WDFY2: variants seen among roughly 807,000 people sequenced by gnomAD.
The protein encoded by WDFY2 is WD repeat and FYVE domain-containing protein 2.
WDFY2 carries 36 observed loss-of-function variants against 56.4 expected under a neutral mutation model. That is an observed-to-expected ratio of 0.64 (90% confidence interval 0.49 to 0.84). The LOEUF (loss-of-function observed/expected upper bound fraction) is 0.84. Ranked by LOEUF, WDFY2 falls within the 40% of genes least tolerant of loss-of-function variation. The pLI is 0.00. For missense variants in WDFY2, 444 were observed against 512.2 expected (o/e 0.87, Z 1.29); for synonymous variants, 176 against 183.7 (o/e 0.96, Z 0.34).
intron 1 of WDFY2, among the ~76,000 whole-genome samples, chr13:51,622,187 C>T (rs993647974): frequency 1.3e-5 from 2 of 152,132 alleles, no homozygotes; most frequent in African/African-American, 2.4e-5. Context: ...ATGTGCCAAC[C>T]GTGCTAAGCT....
Position 51,728,625 on chromosome 13 carries a change from C to A in WDFY2, c.598+835C>A, listed in dbSNP as rs114639409. On this transcript the variant is annotated intron_variant, in intron 6 of 11. Transcript: ENST00000298125. ...AAAGAGGATGTAAAATTGGATAGTA[C>A]CTGGTTCATAAGGGGCTTCCTAAAG... Among the ~76,000 whole-genome samples, 465 of 152,048 alleles carry A rather than the reference C, an allele frequency of 3.1e-3. 1 individual carries two copies. Among genetic ancestry groups the A allele is most frequent in the African/African-American group, 0.011 (452 of 41,446 alleles).
chr13:51,743,966 C>T (rs903236475), intron 7 of WDFY2, among the ~76,000 whole-genome samples: 1 of 152,214 alleles, frequency 6.6e-6, no homozygotes, highest in Non-Finnish European at 1.5e-5. Context: ...TGCCACCAAA[C>T]AGCAGAACAT....
At chr13:51,757,714 T>C (rs1186275095) in intron 10 of WDFY2, among the ~76,000 whole-genome samples, 2 of 152,064 alleles carry the variant, frequency 1.3e-5, no homozygotes, top group Admixed American at 6.5e-5. Context: ...TTTAGAATAC[T>C]ATAGAAAAAC....
chr13:51,655,370 T>C (rs1022398375), intron 1 of WDFY2, among the ~76,000 whole-genome samples: 6 of 152,182 alleles, frequency 3.9e-5, no homozygotes, highest in Non-Finnish European at 7.4e-5. Flanking sequence ...AATTTTCTTC[T>C]ATTCCTAGTA....
chr13:51,665,339 A>G (rs1955680588), intron 2 of WDFY2, among the ~76,000 whole-genome samples: 1 of 152,212 alleles, frequency 6.6e-6, no homozygotes, highest in South Asian at 2.1e-4. Context: ...GGGACCTTGC[A>G]TGAGCTTGTA....
rs1223133635 is a variant in WDFY2 at position 51,703,604 on chromosome 13, A to G, written c.288A>G (p.Ile96Met). The G allele has an allele frequency of 1.2e-6, 2 of 1,605,608 alleles. No individual in the cohort carries two copies. Among genetic ancestry groups the G allele is most frequent in the Middle Eastern group, 1.7e-4 (1 of 5,874 alleles). The change falls in exon 4 of 12, where the codon ATA becomes ATG. Residue 96 changes from isoleucine (I) to methionine (M), a missense_variant. Transcript: ENST00000298125. ...GLDNGTISEFILSEDYNKMTP... is the reference protein window; with the variant it reads ...GLDNGTISEFMLSEDYNKMTP... The stretch of plus-strand genomic sequence containing the variant: ...TTTCTTTTCTTTTACAGGAGTTTAT[A>G]TTGTCAGAAGATTATAACAAGATGA...
At chr13:51,735,549 C>G (rs549457521) in intron 6 of WDFY2, among the ~76,000 whole-genome samples, 1 of 152,144 alleles carries the variant, frequency 6.6e-6, no homozygotes, top group Non-Finnish European at 1.5e-5. Flanking sequence ...GAGAATGGCT[C>G]GACCAAACAT....
At chr13:51,635,164 G>A (rs556558804) in intron 1 of WDFY2, among the ~76,000 whole-genome samples, 1 of 152,060 alleles carries the variant, frequency 6.6e-6, no homozygotes, top group East Asian at 1.9e-4. Flanking sequence ...GGCTGGTCTT[G>A]AGCTCCCGAC....
rs189039165 is a variant in WDFY2 at position 51,684,200 on chromosome 13, T to C, written c.279+8957T>C. Among the ~76,000 whole-genome samples the C allele has an allele frequency of 6.6e-5, 10 of 152,184 alleles. No individual in the cohort carries two copies. In the East Asian group the frequency reaches 1.9e-3, roughly 29 times the overall value. On this transcript the variant is annotated intron_variant, in intron 3 of 11. Coordinates refer to ENST00000298125, the MANE Select transcript of WDFY2 (RefSeq NM_052950.4). ...TATTGGCACAAAGAACAGAAGAGCT[T>C]TTCCATCTGCAGCAATCATGCAAGT...
In WDFY2 at chr13:51,759,933, T is replaced by G; in HGVS notation, c.*164T>G. The G allele has an allele frequency of 6.3e-6, 4 of 634,388 alleles. No homozygotes were observed. Among genetic ancestry groups the G allele is most frequent in the Non-Finnish European group, 5.5e-6 (2 of 364,618 alleles). 39.3% of individuals were successfully genotyped at this position (634,388 alleles called of 1,614,324 possible). A position where few individuals can be genotyped will look rare whatever the true frequency, so the allele number is the denominator to read the frequency against. ...ATGTGCACAGTGGGGACCTGGCCAG[T>G]GAGCACTCGCAAGGGGACTCTTCCA... On this transcript the variant is annotated 3_prime_UTR_variant, in exon 12 of 12. Transcript: ENST00000298125.
chr13:51,628,653 A>G (rs900985901), intron 1 of WDFY2, among the ~76,000 whole-genome samples: 2 of 152,206 alleles, frequency 1.3e-5, no homozygotes, highest in South Asian at 2.1e-4. Context: ...TGGTCCCTCC[A>G]GATGGCCACG....
intron 3 of WDFY2, among the ~76,000 whole-genome samples, chr13:51,689,000 A>G (rs891891155): frequency 9.2e-5 from 14 of 152,214 alleles, no homozygotes; most frequent in Non-Finnish European, 2.1e-4. Context: ...TTTGTGTGAT[A>G]CATCAGTGTT....
intron 1 of WDFY2, among the ~76,000 whole-genome samples, chr13:51,650,922 G>A (rs1298134590): frequency 6.6e-6 from 1 of 152,146 alleles, no homozygotes; most frequent in Non-Finnish European, 1.5e-5. Flanking sequence ...GATGATGCTG[G>A]CCTCATAAAA....
At chr13:51,642,814 G>A (rs1004125609) in intron 1 of WDFY2, among the ~76,000 whole-genome samples, 1 of 151,384 alleles carries the variant, frequency 6.6e-6, no homozygotes, top group Non-Finnish European at 1.5e-5. Flanking sequence ...CCGAGTAGCT[G>A]GGACTACAAG....
At chr13:51,612,878 G>A (rs1363923570) in intron 1 of WDFY2, among the ~76,000 whole-genome samples, 1 of 152,178 alleles carries the variant, frequency 6.6e-6, no homozygotes, top group Non-Finnish European at 1.5e-5. Flanking sequence ...TTATTACAGA[G>A]GCAAATCAGG....
intron 1 of WDFY2, among the ~76,000 whole-genome samples, chr13:51,632,958 A>G (rs1387579888): frequency 6.6e-6 from 1 of 152,196 alleles, no homozygotes; most frequent in Non-Finnish European, 1.5e-5. Flanking sequence ...AAAAATAGGG[A>G]AAAACGTTAG....
intron 1 of WDFY2, among the ~76,000 whole-genome samples, chr13:51,611,389 TA>T (rs1954500964): frequency 6.6e-6 from 1 of 152,186 alleles, no homozygotes; most frequent in Non-Finnish European, 1.5e-5. Context: ...GTGATTTTTT[TA>T]AAAAAAGAAT....
At chr13:51,708,502 T>TA (rs949081579) in intron 4 of WDFY2, among the ~76,000 whole-genome samples, 25 of 145,632 alleles carry the variant, frequency 1.7e-4, no homozygotes, top group South Asian at 1.1e-3. Context: ...AAAATAAAAA[T>TA]AAACAGCAAA....
chr13:51,725,734 C>A (rs1014860953), intron 5 of WDFY2, among the ~76,000 whole-genome samples: 1 of 151,094 alleles, frequency 6.6e-6, no homozygotes, highest in African/African-American at 2.4e-5. Flanking sequence ...CACTGTGTCA[C>A]CCAGGCTGGA....
Sources: gnomAD v4.1 joint callset for allele counts (sites outside exome capture counted in the v4.1 genomes callset) on GRCh38, gnomAD v4.1.1 for gene constraint, MANE v1.5 for transcripts, NCBI Gene and HGNC (gene_info 2026-07-23, HGNC 2026-07-21) for gene names.